Variants in SUGCT observed in about 807,000 individuals in gnomAD.
SUGCT encodes succinyl-CoA:glutarate CoA-transferase.
SUGCT carries 41 observed loss-of-function variants against 55.0 expected under a neutral mutation model. The observed-to-expected ratio is 0.74, with a 90% confidence interval of 0.58 to 0.97. The LOEUF is 0.97. Among genes scored for constraint, SUGCT ranks in the 50% least tolerant of loss-of-function variants. The pLI is 0.00. For synonymous variants in SUGCT, 187 were observed against 200.4 expected (o/e 0.93, Z 0.56); for missense variants, 568 against 547.8 (o/e 1.04, Z -0.37).
intron 12 of SUGCT, among the ~76,000 whole-genome samples, chr7:40,705,666 A>G (rs557121327): frequency 6.6e-6 from 1 of 152,298 alleles, no homozygotes; most frequent in African/African-American, 2.4e-5. Context: ...CAGAAGTAAT[A>G]TTTAATTTTT....
intron 13 of SUGCT, among the ~76,000 whole-genome samples, chr7:40,761,931 C>T (rs182598285): frequency 9.8e-4 from 149 of 152,266 alleles, no homozygotes; most frequent in Middle Eastern, 3.4e-3. Flanking sequence ...GTTCTTTCTG[C>T]TATGACAGCG....
intron 8 of SUGCT, among the ~76,000 whole-genome samples, chr7:40,296,106 T>G (rs1160358343): frequency 6.6e-6 from 1 of 152,182 alleles, no homozygotes; most frequent in Non-Finnish European, 1.5e-5. Flanking sequence ...TTGGATGCCT[T>G]AAGTTAGTAG....
intron 9 of SUGCT, among the ~76,000 whole-genome samples, chr7:40,366,595 G>A (rs1222814489): frequency 6.6e-6 from 1 of 152,158 alleles, no homozygotes; most frequent in Non-Finnish European, 1.5e-5. Context: ...CCATCAAAAA[G>A]TGGGCGAAGG....
At chr7:40,376,559 T>G (rs1583547995) in intron 9 of SUGCT, among the ~76,000 whole-genome samples, 1 of 151,870 alleles carries the variant, frequency 6.6e-6, no homozygotes, top group Admixed American at 6.6e-5. Flanking sequence ...GCCCGGCTAA[T>G]TTTTCTATTT....
At chr7:40,320,003 A>G (rs1795642714) in intron 9 of SUGCT, among the ~76,000 whole-genome samples, 1 of 152,112 alleles carries the variant, frequency 6.6e-6, no homozygotes, top group Non-Finnish European at 1.5e-5. Flanking sequence ...AGATTTTTAA[A>G]AAAAAGTTTT....
intron 13 of SUGCT, among the ~76,000 whole-genome samples, chr7:40,749,883 G>A (rs938425946): frequency 6.6e-6 from 1 of 152,166 alleles, no homozygotes; most frequent in Non-Finnish European, 1.5e-5. Context: ...GATGTAACTG[G>A]AGTCCGAGGA....
chr7:40,918,264 C>G, the SUGCT span, among the ~76,000 whole-genome samples: 1 of 151,954 alleles, frequency 6.6e-6, no homozygotes, highest in South Asian at 2.1e-4. Flanking sequence ...AGTTTGAGAC[C>G]AGCCTGACCA....
intron 12 of SUGCT, among the ~76,000 whole-genome samples, chr7:40,630,044 T>C (rs1799716407): frequency 6.6e-6 from 1 of 152,212 alleles, no homozygotes; most frequent in Non-Finnish European, 1.5e-5. Flanking sequence ...GACTTCTTGC[T>C]TCATGATTTT....
chr7:40,940,868 T>C, the SUGCT span, among the ~76,000 whole-genome samples: 1 of 152,146 alleles, frequency 6.6e-6, no homozygotes, highest in East Asian at 1.9e-4. Context: ...TTTATTTCTT[T>C]CCCTTGCCTG....
chr7:40,929,189 T>C, the SUGCT span, among the ~76,000 whole-genome samples: 1 of 152,232 alleles, frequency 6.6e-6, no homozygotes, highest in Admixed American at 6.5e-5. Context: ...TTTTCTGTCC[T>C]TGTGATAGTT....
chr7:40,602,216 C>T (rs1477256603), intron 12 of SUGCT, among the ~76,000 whole-genome samples: 3 of 152,108 alleles, frequency 2.0e-5, no homozygotes, highest in African/African-American at 7.2e-5. Context: ...ACCAACCAAC[C>T]CCCAAACCTG....
chr7:40,823,326 C>G (rs1792124724), intron 13 of SUGCT, among the ~76,000 whole-genome samples: 1 of 152,128 alleles, frequency 6.6e-6, no homozygotes, highest in Non-Finnish European at 1.5e-5. Context: ...CCCCAGACTC[C>G]TCTCTTAACA....
At chr7:40,919,860 C>A in the SUGCT span, among the ~76,000 whole-genome samples, 1 of 152,198 alleles carries the variant, frequency 6.6e-6, no homozygotes, top group Non-Finnish European at 1.5e-5. Context: ...CAGCCTGACT[C>A]CTCCTGATTC....
At chr7:40,335,782 A>C (rs558569898) in intron 9 of SUGCT, among the ~76,000 whole-genome samples, 5 of 152,244 alleles carry the variant, frequency 3.3e-5, no homozygotes, top group African/African-American at 9.6e-5. Flanking sequence ...TTCCAACACT[A>C]TGTTGAATAG....
At chr7:40,615,688 A>G (rs1322002059) in intron 12 of SUGCT, among the ~76,000 whole-genome samples, 1 of 152,212 alleles carries the variant, frequency 6.6e-6, no homozygotes, top group Non-Finnish European at 1.5e-5. Context: ...TCCGTGGTAT[A>G]TTGTGGTTAT....
At chr7:40,530,139 A>G (rs746999969) in intron 12 of SUGCT, among the ~76,000 whole-genome samples, 6 of 152,116 alleles carry the variant, frequency 3.9e-5, no homozygotes, top group Non-Finnish European at 5.9e-5. Flanking sequence ...TCAGTAATGC[A>G]TTTCTTTATA....
At chr7:40,420,870 T>C (rs903104900) in intron 9 of SUGCT, among the ~76,000 whole-genome samples, 1 of 152,122 alleles carries the variant, frequency 6.6e-6, no homozygotes, top group African/African-American at 2.4e-5. Context: ...AAGCAGAGCA[T>C]TGATAAGGTC....
chr7:40,674,112 C>A (rs1353200494), intron 12 of SUGCT, among the ~76,000 whole-genome samples: 1 of 152,142 alleles, frequency 6.6e-6, no homozygotes, highest in Admixed American at 6.5e-5. Context: ...AACTAGGAGT[C>A]CATTCTTTGG....
intron 13 of SUGCT, among the ~76,000 whole-genome samples, chr7:40,793,693 G>T (rs1790422957): frequency 6.6e-6 from 1 of 152,050 alleles, no homozygotes; most frequent in Non-Finnish European, 1.5e-5. Flanking sequence ...AATCTGAGAA[G>T]TCATGTCTGT....
Sources: gnomAD v4.1 joint callset for allele counts (sites outside exome capture counted in the v4.1 genomes callset) on GRCh38, gnomAD v4.1.1 for gene constraint, MANE v1.5 for transcripts, NCBI Gene and HGNC (gene_info 2026-07-23, HGNC 2026-07-21) for gene names.